Variants in TSPAN3 observed in about 807,000 individuals in gnomAD.
The protein encoded by TSPAN3 is tetraspanin-3.
A neutral mutation model predicts 31.1 loss-of-function variants in TSPAN3; 9 were observed. That is an observed-to-expected ratio of 0.29 (90% CI 0.17 to 0.50). The LOEUF (loss-of-function observed/expected upper bound fraction) is 0.50, where lower values mean the gene tolerates loss of function less well. TSPAN3 is among the 20% of genes least tolerant of loss of function. TSPAN3 has a pLI of 0.98. For missense variants in TSPAN3, 252 were observed against 313.5 expected (o/e 0.80, Z 1.48); for synonymous variants, 129 against 114.3 (o/e 1.13, Z -0.82).
chr15:77,051,664 C>T (rs1003089951), intron 6 of TSPAN3, among the ~76,000 whole-genome samples: 2 of 147,064 alleles, frequency 1.4e-5, no homozygotes, highest in African/African-American at 5.1e-5. Flanking sequence ...GCCTGGGCAA[C>T]ATAATGAGAC....
intron 1 of TSPAN3, among the ~76,000 whole-genome samples, chr15:77,058,830 T>A (rs2076783669): frequency 6.6e-6 from 1 of 152,272 alleles, no homozygotes; most frequent in Non-Finnish European, 1.5e-5. Context: ...TTATAGCTTT[T>A]AGTTCACTAT....
intron 1 of TSPAN3, among the ~76,000 whole-genome samples, chr15:77,059,725 C>T (rs976752453): frequency 6.6e-6 from 1 of 152,190 alleles, no homozygotes; most frequent in Admixed American, 6.5e-5. Context: ...TGAAACTTCA[C>T]TAGCTTTAGC....
intron 1 of TSPAN3, among the ~76,000 whole-genome samples, chr15:77,066,436 G>C (rs2076833359): frequency 6.6e-6 from 1 of 152,012 alleles, no homozygotes; most frequent in African/African-American, 2.4e-5. Context: ...GCTGGGCATG[G>C]TGGCGCACGC....
In TSPAN3 at chr15:77,046,085, A is replaced by G; in HGVS notation, c.*750T>C. 1 of 240,066 alleles carries G rather than the reference A, an allele frequency of 4.2e-6. No individual in the cohort carries two copies. Among genetic ancestry groups the G allele is most frequent in the Non-Finnish European group, 8.0e-6 (1 of 125,688 alleles). 14.9% of individuals were successfully genotyped at this position (240,066 alleles called of 1,614,324 possible). ...TTTTTCTATTTACAACTGAGATCAC[A>G]TCTACATACTATTTTGCTAGTCTAC... On this transcript the variant is annotated 3_prime_UTR_variant, in exon 7 of 7. Coordinates refer to ENST00000267970, the MANE Select transcript of TSPAN3 (RefSeq NM_005724.6).
chr15:77,060,755 G>C (rs2076795779), intron 1 of TSPAN3, among the ~76,000 whole-genome samples: 1 of 152,122 alleles, frequency 6.6e-6, no homozygotes, highest in South Asian at 2.1e-4. Context: ...GTAGAACTTG[G>C]AAGCAGCTGA....
chr15:77,058,569 G>C (rs1012044684), intron 1 of TSPAN3, among the ~76,000 whole-genome samples: 1 of 152,136 alleles, frequency 6.6e-6, no homozygotes, highest in African/African-American at 2.4e-5. Context: ...TTATCGAAAC[G>C]GTTGCAATTA....
At chr15:77,070,570 A>G (rs1465666284) in intron 1 of TSPAN3, among the ~76,000 whole-genome samples, 4 of 148,810 alleles carry the variant, frequency 2.7e-5, no homozygotes, top group African/African-American at 4.8e-5. Context: ...CTCTCCGTCC[A>G]GCCGGCGACT....
At chr15:77,065,424 T>TTTTA (rs766066742) in intron 1 of TSPAN3, among the ~76,000 whole-genome samples, 7 of 152,160 alleles carry the variant, frequency 4.6e-5, no homozygotes, top group East Asian at 1.9e-4. Context: ...GCGTGATAAG[T>TTTTA]TTTATTTATT....
At position 77,046,858 on chromosome 15, in the gene TSPAN3, T is replaced by C. The variant is rs2152694801; in HGVS notation, c.739A>G (p.Ile247Val). 6.3e-7 allele frequency: 1 copy of C among 1,593,994 alleles called. No homozygotes were observed. Among genetic ancestry groups the C allele is most frequent in the South Asian group, 1.1e-5 (1 of 88,410 alleles). ...RSRDPAYELL[I>V]TGGTYA ...AACTATGCATAGGTTCCGCCAGTGA[T>C]GAGGAGCTCGTAAGCAGGATCTCTA... The change falls in exon 7 of 7, where the codon ATC becomes GTC. Residue 247 changes from isoleucine to valine, a missense_variant. By Grantham distance (29) the Ile-to-Val change is conservative. Coordinates refer to ENST00000267970, the MANE Select transcript of TSPAN3 (RefSeq NM_005724.6).
rs1351603375 is a variant in TSPAN3, at chr15:77,043,673, T to C, written c.*3162A>G. On this transcript the variant is annotated 3_prime_UTR_variant, in exon 7 of 7. Coordinates refer to ENST00000267970, the MANE Select transcript of TSPAN3 (RefSeq NM_005724.6). The stretch of plus-strand genomic sequence containing the variant: ...AAGAAGACCAAGGAGACATGACAAC[T>C]CAACTGATTACCTGATCCAGACCAG... The C allele has an allele frequency of 2.0e-5, 3 of 152,122 alleles. No individual in the cohort carries two copies. Among genetic ancestry groups the C allele is most frequent in the Non-Finnish European group, 4.4e-5 (3 of 68,062 alleles). 9.4% of individuals were successfully genotyped at this position (152,122 alleles called of 1,614,324 possible).
intron 4 of TSPAN3, 29 bp from the exon 5 acceptor site, chr15:77,052,958 C>A: frequency 1.3e-6 from 2 of 1,594,686 alleles, no homozygotes; most frequent in South Asian, 1.1e-5. Context: ...AGTATTATTT[C>A]TCACAAAAAC....
intron 2 of TSPAN3, 53 bp from the exon 3 acceptor site, chr15:77,055,916 T>G: frequency 1.3e-6 from 2 of 1,557,206 alleles, no homozygotes; most frequent in Non-Finnish European, 1.7e-6. Context: ...TAACTTTAAA[T>G]ACACTCTTGA....
At chr15:77,067,470 A>G (rs2076840197) in intron 1 of TSPAN3, among the ~76,000 whole-genome samples, 1 of 152,218 alleles carries the variant, frequency 6.6e-6, no homozygotes, top group Non-Finnish European at 1.5e-5. Flanking sequence ...TGCCAAAGCA[A>G]TTAAACTTTG....
intron 1 of TSPAN3, among the ~76,000 whole-genome samples, chr15:77,061,777 G>A (rs951685263): frequency 2.6e-5 from 4 of 152,180 alleles, no homozygotes; most frequent in African/African-American, 9.7e-5. Context: ...TTCTTGCAGT[G>A]GTATGTAGTA....
In TSPAN3 at chr15:77,056,178, A is replaced by G; in HGVS notation, c.141T>C (p.Asp47=). 1.9e-6 allele frequency: 3 copies of G among 1,613,940 alleles called. No individual in the cohort carries two copies. The highest frequency in any genetic ancestry group is 2.5e-6 in the Non-Finnish European group (3 of 1,179,974). ...CTACAGCAGGGATGAGCGTGTACACATCTTCAAAGAAGTGGTCATAGTCAT... is the reference window on the plus strand; with the variant it reads ...CTACAGCAGGGATGAGCGTGTACACGTCTTCAAAGAAGTGGTCATAGTCAT... The part of the protein sequence containing the change: ...TYDDYDHFFE[D]VYTLIPAVVI... The change falls in exon 2 of 7, where the codon GAT becomes GAC. Residue 47 remains aspartate (D), a synonymous_variant. Coordinates refer to ENST00000267970, the MANE Select transcript of TSPAN3 (RefSeq NM_005724.6).
chr15:77,046,702 G>T lies in TSPAN3; in HGVS notation c.*133C>A. On this transcript the variant is annotated 3_prime_UTR_variant, in exon 7 of 7. Coordinates refer to ENST00000267970, the MANE Select transcript of TSPAN3 (RefSeq NM_005724.6). ...AGGTAAGTAGGTGGGCACATGAAAA[G>T]CCAAGCTGCTCTGTCCAACACCAGT... 1.6e-6 allele frequency: 1 copy of T among 628,848 alleles called. No individual in the cohort carries two copies. Among genetic ancestry groups the T allele is most frequent in the Non-Finnish European group, 2.7e-6 (1 of 367,010 alleles). The allele number at this position is 628,848 out of a possible 1,614,324, so 39.0% of individuals were successfully genotyped here.
chr15:77,071,000 C>G lies in TSPAN3; in HGVS notation c.-46G>C. On this transcript the variant is annotated 5_prime_UTR_variant, in exon 1 of 7. Coordinates refer to ENST00000267970, the MANE Select transcript of TSPAN3 (RefSeq NM_005724.6). ...GCCCGGCCCGGAGAGCGGGGCTGCG[C>G]TCACCGAGAGAGCGGCAATGGCGGC... 1.5e-6 allele frequency: 2 copies of G among 1,349,262 alleles called. No homozygotes were observed. Among genetic ancestry groups the G allele is most frequent in the Non-Finnish European group, 1.9e-6 (2 of 1,038,902 alleles). The allele number at this position is 1,349,262 out of a possible 1,614,324, so 83.6% of individuals were successfully genotyped here. A position where few individuals can be genotyped will look rare whatever the true frequency, so the allele number is the denominator to read the frequency against.
chr15:77,065,894 C>A (rs1185442919), intron 1 of TSPAN3, among the ~76,000 whole-genome samples: 1 of 152,182 alleles, frequency 6.6e-6, no homozygotes, highest in Non-Finnish European at 1.5e-5. Context: ...CCCCACTCTA[C>A]AGGTGTCTCA....
intron 1 of TSPAN3, among the ~76,000 whole-genome samples, chr15:77,059,050 A>G (rs991547563): frequency 6.6e-6 from 1 of 152,116 alleles, no homozygotes; most frequent in Non-Finnish European, 1.5e-5. Context: ...GGGAGTGGAG[A>G]AGAGAAATAG....
Sources: allele counts gnomAD v4.1 joint callset (sites outside exome capture counted in the v4.1 genomes callset), GRCh38; gene constraint gnomAD v4.1.1; transcripts MANE v1.5; gene names NCBI Gene and HGNC (gene_info 2026-07-23, HGNC 2026-07-21).